RAPGEFL1: variants seen among roughly 807,000 people sequenced by gnomAD.
RAPGEFL1 encodes rap guanine nucleotide exchange factor-like 1.
A neutral mutation model predicts 64.4 loss-of-function variants in RAPGEFL1; 31 were observed. The observed-to-expected ratio is 0.48, with a 90% confidence interval of 0.36 to 0.65. The LOEUF is 0.65. RAPGEFL1 is among the 30% of genes least tolerant of loss of function. The pLI is 0.00. For synonymous variants in RAPGEFL1, 331 were observed against 274.1 expected (o/e 1.21, Z -2.05); for missense variants, 682 against 677.4 (o/e 1.01, Z -0.08).
rs1989779813 is a variant in RAPGEFL1, at chr17:40,178,201, C to G, written c.340C>G (p.Leu114Val). 1 of 555,274 alleles carries G rather than the reference C, an allele frequency of 1.8e-6. No individual in the cohort carries two copies. Among genetic ancestry groups the G allele is most frequent in the Non-Finnish European group, 3.2e-6 (1 of 310,270 alleles). 34.4% of individuals were successfully genotyped at this position (555,274 alleles called of 1,614,324 possible). The change falls in exon 1 of 15, where the codon CTC becomes GTC. Residue 114 changes from leucine (L) to valine (V), a missense_variant. Around this residue, in one of 2 missense-constraint regions of RAPGEFL1, gnomAD observed 271 missense variants for 158.0 expected, o/e 1.72. Coordinates refer to ENST00000620260, the MANE Select transcript of RAPGEFL1 (RefSeq NM_016339.6). ...QLEEVPGPGP[L>V]GGGGPLRSPS... Reference sequence around the variant, plus strand: ...GGAGGAGGTGCCGGGGCCCGGGCCTCTCGGGGGAGGGGGGCCCCTGCGCTC... The same window carrying G: ...GGAGGAGGTGCCGGGGCCCGGGCCTGTCGGGGGAGGGGGGCCCCTGCGCTC...
Position 40,192,587 on chromosome 17 carries a change from C to G in RAPGEFL1, c.1657-19C>G, listed in dbSNP as rs889480663. On this transcript the variant is annotated intron_variant, in intron 11 of 14. Coordinates refer to ENST00000620260, the MANE Select transcript of RAPGEFL1 (RefSeq NM_016339.6). Reference sequence around the variant, plus strand: ...CATTGGCCAGTCTGTCCCTTGATCTCTCTCCTGTGGAATACTAGGACCCCT... The same window carrying G: ...CATTGGCCAGTCTGTCCCTTGATCTGTCTCCTGTGGAATACTAGGACCCCT... 1.3e-6 allele frequency: 2 copies of G among 1,598,686 alleles called. No individual in the cohort carries two copies. Among genetic ancestry groups the G allele is most frequent in the Non-Finnish European group, 1.7e-6 (2 of 1,167,468 alleles).
At chr17:40,183,147 CA>C (rs1989944437) in intron 2 of RAPGEFL1, among the ~76,000 whole-genome samples, 1 of 151,738 alleles carries the variant, frequency 6.6e-6, no homozygotes, top group Non-Finnish European at 1.5e-5. Flanking sequence ...GACTCCCTCT[CA>C]AATAAATAAA....
chr17:40,184,546 C>CA, intron 3 of RAPGEFL1, 35 bp from the exon 4 acceptor site: 1 of 1,349,144 alleles, frequency 7.4e-7, no homozygotes, highest in Non-Finnish European at 1.0e-6. Context: ...GGAATGAGAC[C>CA]CCTTCCTTCA....
chr17:40,191,050 C>T lies in RAPGEFL1; in HGVS notation c.1336-266C>T. On this transcript the variant is annotated intron_variant, in intron 8 of 14. Transcript: ENST00000620260. This position sits in a 1 kb window ranked among gnomAD's most constrained non-coding sequence, Gnocchi z 5.1. ...TAAAATAAGGCAGAGACAATAATGC[C>T]TAGCAGATGGTTGTCTTGAGGATGT... 3.4e-6 allele frequency: 2 copies of T among 592,574 alleles called. No homozygotes were observed. Among genetic ancestry groups the T allele is most frequent in the Non-Finnish European group, 5.8e-6 (2 of 342,402 alleles). 36.7% of individuals were successfully genotyped at this position (592,574 alleles called of 1,614,324 possible). A position where few individuals can be genotyped will look rare whatever the true frequency, so the allele number is the denominator to read the frequency against.
At position 40,192,261 on chromosome 17, in the gene RAPGEFL1, A is replaced by G. The variant is rs1237331801; in HGVS notation, c.1654A>G (p.Thr552Ala). Residue 552 changes from threonine (T) to alanine (A), a missense_variant and splice_region_variant, in exon 11 of 15, where the codon ACG becomes GCG. Thr to Ala is a moderately conservative substitution (Grantham distance 58). Coordinates refer to ENST00000620260, the MANE Select transcript of RAPGEFL1 (RefSeq NM_016339.6). The part of the protein sequence containing the change: ...KNLFRKFENL[T>A]DPCRNHKSYR... ...CTTGTTTCGCAAATTTGAGAACCTG[A>G]CGGTGAGTGGGTTTGGCTCTTTCTT... is the stretch of plus-strand genomic sequence containing the variant. 1.2e-6 allele frequency: 2 copies of G among 1,613,876 alleles called. No homozygotes were observed. The highest frequency in any genetic ancestry group is 2.7e-5 in the African/African-American group (2 of 74,928).
chr17:40,192,537 G>A (rs998384901), intron 11 of RAPGEFL1, 69 bp from the exon 12 acceptor site: 1 of 1,330,236 alleles, frequency 7.5e-7, no homozygotes, highest in Non-Finnish European at 1.1e-6. Flanking sequence ...GGGTGAGGGA[G>A]GAAGCTGAGG....
intron 1 of RAPGEFL1, chr17:40,181,163 A>C (rs1319817653): frequency 2.7e-6 from 1 of 373,226 alleles, no homozygotes; most frequent in African/African-American, 2.1e-5. Context: ...TTAGAACTCA[A>C]AGCTGTTAGG....
At chr17:40,185,989 C>T (rs1397835198) in intron 4 of RAPGEFL1, among the ~76,000 whole-genome samples, 6 of 146,826 alleles carry the variant, frequency 4.1e-5, no homozygotes, top group African/African-American at 7.6e-5. Flanking sequence ...AGGCCGGGTG[C>T]GGTGGCTCAC....
At position 40,191,801 on chromosome 17, in the gene RAPGEFL1, G is replaced by A. The variant is rs1990283942; in HGVS notation, c.1605+129G>A. On this transcript the variant is annotated intron_variant, in intron 10 of 14. Transcript: ENST00000620260. This position sits in a 1 kb window ranked among gnomAD's most constrained non-coding sequence, Gnocchi z 5.1. ...AGTTGGAGGGAGGCGCCCTCTTCTG[G>A]CATACGCAACCCCAGGGCGCACAGC... 2.2e-6 allele frequency: 2 copies of A among 913,146 alleles called. No individual in the cohort carries two copies. The highest frequency in any genetic ancestry group is 2.3e-5 in the Admixed American group (1 of 42,682). 56.6% of individuals were successfully genotyped at this position (913,146 alleles called of 1,614,324 possible).
chr17:40,183,599 A>C (rs1989961615), intron 2 of RAPGEFL1, among the ~76,000 whole-genome samples: 2 of 145,298 alleles, frequency 1.4e-5, no homozygotes, highest in Admixed American at 1.4e-4. Context: ...GGCTCACTGC[A>C]ACCTCCGCCT....
chr17:40,183,518 CTTTTTTT>C (rs760848897), intron 2 of RAPGEFL1, among the ~76,000 whole-genome samples: 4 of 130,168 alleles, frequency 3.1e-5, no homozygotes, highest in Non-Finnish European at 5.0e-5. Context: ...CTTTTCTTTT[CTTTTTTT>C]TTTTTTTTTT....
intron 6 of RAPGEFL1, 104 bp from the exon 7 acceptor site, chr17:40,190,330 G>C (rs1023814961): frequency 1.2e-6 from 1 of 847,756 alleles, no homozygotes. Flanking sequence ...AGTCTAGAAT[G>C]TGTCAGTGTG....
At position 40,193,040 on chromosome 17, in the gene RAPGEFL1, A is replaced by G. The variant is rs750778581; in HGVS notation, c.1809+50A>G. The G allele has an allele frequency of 2.7e-6, 4 of 1,498,656 alleles. No individual in the cohort carries two copies. In the East Asian group the frequency reaches 6.8e-5, roughly 25 times the overall value. The allele number at this position is 1,498,656 out of a possible 1,614,324, so 92.8% of individuals were successfully genotyped here. A position where few individuals can be genotyped will look rare whatever the true frequency, so the allele number is the denominator to read the frequency against. Reference sequence around the variant, plus strand: ...CTAGTCCCACAAGTGGGGGGCTTGCATCCTCTCCCTCTCTCATCACCTCCC... The same window carrying G: ...CTAGTCCCACAAGTGGGGGGCTTGCGTCCTCTCCCTCTCTCATCACCTCCC... On this transcript the variant is annotated intron_variant, in intron 13 of 14. Coordinates refer to ENST00000620260, the MANE Select transcript of RAPGEFL1 (RefSeq NM_016339.6).
chr17:40,185,985 G>T (rs1489142241), intron 4 of RAPGEFL1, among the ~76,000 whole-genome samples: 1 of 151,100 alleles, frequency 6.6e-6, no homozygotes, highest in Non-Finnish European at 1.5e-5. Context: ...AAAAAGGCCG[G>T]GTGCGGTGGC....
chr17:40,179,428 G>C (rs1989828068), intron 1 of RAPGEFL1, among the ~76,000 whole-genome samples: 1 of 151,818 alleles, frequency 6.6e-6, no homozygotes, highest in African/African-American at 2.4e-5. Flanking sequence ...GGCTGGTCTT[G>C]AACTCCTGAC....
rs760528635 is a variant in RAPGEFL1, at chr17:40,195,240, G to A, written c.*1452G>A. 1.3e-5 allele frequency: 2 copies of A among 152,410 alleles called. No homozygotes were observed. The highest frequency in any genetic ancestry group is 2.9e-5 in the Non-Finnish European group (2 of 68,110). The allele number at this position is 152,410 out of a possible 1,614,324, so 9.4% of individuals were successfully genotyped here. A position where few individuals can be genotyped will look rare whatever the true frequency, so the allele number is the denominator to read the frequency against. On this transcript the variant is annotated 3_prime_UTR_variant, in exon 15 of 15. Coordinates refer to ENST00000620260, the MANE Select transcript of RAPGEFL1 (RefSeq NM_016339.6). ...AATGTTGTACAGACCCTTTTATACA[G>A]TGATCTGTCTTGTTCCTGCAGCAAA...
chr17:40,193,237 T>C, intron 13 of RAPGEFL1, 126 bp from the exon 14 acceptor site: 1 of 1,158,146 alleles, frequency 8.6e-7, no homozygotes, highest in Non-Finnish European at 1.3e-6. Flanking sequence ...CTTTGGTCCT[T>C]CAGAGACCCT....
chr17:40,190,595 C>T, intron 7 of RAPGEFL1, 45 bp from the exon 8 acceptor site: 1 of 1,614,090 alleles, frequency 6.2e-7, no homozygotes, highest in Non-Finnish European at 8.5e-7. Context: ...CAATCCCTCA[C>T]CCTGCCACCA....
chr17:40,182,668 A>G (rs544093583), intron 2 of RAPGEFL1, among the ~76,000 whole-genome samples: 2 of 152,318 alleles, frequency 1.3e-5, no homozygotes, highest in South Asian at 4.1e-4. Context: ...TATTGCTCTA[A>G]AACATCTGGT....
Sources: allele counts gnomAD v4.1 joint callset (sites outside exome capture counted in the v4.1 genomes callset), GRCh38; gene constraint gnomAD v4.1.1; regional missense constraint gnomAD v4.1.1; non-coding constraint Gnocchi (gnomAD v3.1); transcripts MANE v1.5; gene names NCBI Gene and HGNC (gene_info 2026-07-23, HGNC 2026-07-21).